Variants in WDR97 observed in about 807,000 individuals in gnomAD.
WDR97 encodes WD repeat domain 97.
Under a neutral mutation model 65.4 loss-of-function variants are expected in WDR97, and 111 were observed. That is an observed-to-expected ratio of 1.70 (90% CI 1.45 to 1.99). The LOEUF is 1.99. Among genes scored for constraint, WDR97 ranks in the 30% most tolerant of loss-of-function variants. The pLI, the probability that WDR97 is intolerant of heterozygous loss-of-function variation, is 0.00. For missense variants in WDR97, 1,674 were observed against 865.0 expected, an observed-to-expected ratio of 1.94 and a Z score of -11.73; for synonymous variants, 802 against 397.7, an observed-to-expected ratio of 2.02 and a Z score of -12.10.
rs758950256 is a variant in WDR97 at position 144,114,430 on chromosome 8, C to G, written c.3747C>G (p.Gly1249=). Residue 1249 remains glycine, a synonymous_variant, in exon 19 of 24, where the codon GGC becomes GGG. Coordinates refer to ENST00000323662, the MANE Select transcript of WDR97 (RefSeq NM_001316309.2). ...GTGATCTCCAAGGCCAGCTGCAGGG[C>G]CTGCTCGTACACTTGCTCAACCTGG... ...MSSDLQGQLQ[G]LLVHLLNLDQ... is the part of the protein sequence containing the mutation. 12 of 702,714 alleles carry G rather than the reference C, an allele frequency of 1.7e-5. No individual in the cohort carries two copies. The highest frequency in any genetic ancestry group is 2.7e-5 in the East Asian group (1 of 37,292). The allele number at this position is 702,714 out of a possible 1,614,324, so 43.5% of individuals were successfully genotyped here. A position where few individuals can be genotyped will look rare whatever the true frequency, so the allele number is the denominator to read the frequency against.
Position 144,111,134 on chromosome 8 carries a change from G to A in WDR97, c.2338G>A (p.Asp780Asn), listed in dbSNP as rs1433144441. ...MCRKAPDVVD[D>N]PPLPLMSQES... ...CCGGAAGGCCCCAGACGTGGTGGAC[G>A]ACCCTCCGCTGCCACTGATGAGCCA... The change falls in exon 10 of 24, where the codon GAC becomes AAC. Residue 780 changes from aspartate (D) to asparagine (N), a missense_variant. Asp to Asn is a conservative substitution (Grantham distance 23). Coordinates refer to ENST00000323662, the MANE Select transcript of WDR97 (RefSeq NM_001316309.2). 2.0e-5 allele frequency: 14 copies of A among 702,624 alleles called. No individual in the cohort carries two copies. Among genetic ancestry groups the A allele is most frequent in the Non-Finnish European group, 3.6e-5 (14 of 385,000 alleles). 43.5% of individuals were successfully genotyped at this position (702,624 alleles called of 1,614,324 possible). A position where few individuals can be genotyped will look rare whatever the true frequency, so the allele number is the denominator to read the frequency against.
rs763829858 is a variant in WDR97, at chr8:144,109,355, G to C, written c.1021G>C (p.Val341Leu). 6.8e-5 allele frequency: 48 copies of C among 702,510 alleles called. 1 individual carries two copies. In the South Asian group the frequency reaches 7.1e-4, roughly 10 times the overall value. 43.5% of individuals were successfully genotyped at this position (702,510 alleles called of 1,614,324 possible). The change falls in exon 5 of 24, where the codon GTG becomes CTG. Residue 341 changes from valine (V) to leucine (L), a missense_variant. Coordinates refer to ENST00000323662, the MANE Select transcript of WDR97 (RefSeq NM_001316309.2). ...CACAGGCCCGGTGACGGCTATGACT[G>C]TGCTCCCGAACACGACCCTGGTGTT... ...GHTGPVTAMT[V>L]LPNTTLVLSA...
At position 144,117,171 on chromosome 8, in the gene WDR97, C is replaced by T. The variant is rs1195765712; in HGVS notation, c.*878C>T. On this transcript the variant is annotated 3_prime_UTR_variant, in exon 24 of 24. Coordinates refer to ENST00000323662, the MANE Select transcript of WDR97 (RefSeq NM_001316309.2). ...ATGGCTGCTCTTTCCCAGGCCGGTG[C>T]TTGACACAGTGGTGCCACCATCCCA... The T allele has an allele frequency of 6.6e-6, 1 of 152,308 alleles. No homozygotes were observed. Among genetic ancestry groups the T allele is most frequent in the African/African-American group, 2.4e-5 (1 of 41,458 alleles). The allele number at this position is 152,308 out of a possible 1,614,324, so 9.4% of individuals were successfully genotyped here. A position where few individuals can be genotyped will look rare whatever the true frequency, so the allele number is the denominator to read the frequency against.
Position 144,112,240 on chromosome 8 carries a change from C to T in WDR97, c.2912C>T (p.Ser971Leu), listed in dbSNP as rs1340311493. 9 of 702,612 alleles carry T rather than the reference C, an allele frequency of 1.3e-5. No homozygotes were observed. The highest frequency in any genetic ancestry group is 2.3e-4 in the Middle Eastern group (1 of 4,390). 43.5% of individuals were successfully genotyped at this position (702,612 alleles called of 1,614,324 possible). A position where few individuals can be genotyped will look rare whatever the true frequency, so the allele number is the denominator to read the frequency against. The change falls in exon 14 of 24, where the codon TCA (serine) becomes TTA (leucine). Residue 971 changes from serine to leucine, a missense_variant. Transcript: ENST00000323662. ...SKASQLLARSSLSHYLGISLD... is the reference protein window; with the variant it reads ...SKASQLLARSLLSHYLGISLD... ...ATGCCCCAGCTTCTGGCCCGCTCCT[C>T]ACTGAGCCACTACCTGGGCATCAGT...
At chr8:144,112,803 G>A (rs555424633) in intron 15 of WDR97, 54 of 541,704 alleles carry the variant, frequency 1.0e-4, no homozygotes, top group Non-Finnish European at 1.5e-4. Context: ...CCCCCCAGCC[G>A]GTTATGCCAC....
rs1467086161 is a variant in WDR97, at chr8:144,109,507, G to T, written c.1173G>T (p.Pro391=). ...LSRRVGRLLA[P]VRPGWPVLSL... Reference sequence around the variant, plus strand: ...GGCGCGTGGGCCGTCTGCTGGCGCCGGTGCGCCCGGGCTGGCCGGTGCTGT... The same window carrying T: ...GGCGCGTGGGCCGTCTGCTGGCGCCTGTGCGCCCGGGCTGGCCGGTGCTGT... The change falls in exon 5 of 24, where the codon CCG becomes CCT. Residue 391 remains proline, a synonymous_variant. Transcript: ENST00000323662. 3 of 696,352 alleles carry T rather than the reference G, an allele frequency of 4.3e-6. No homozygotes were observed. The South Asian group carries it at 4.5e-5, about 10-fold the overall frequency. The allele number at this position is 696,352 out of a possible 1,614,324, so 43.1% of individuals were successfully genotyped here.
Position 144,116,413 on chromosome 8 carries a change from GC to G in WDR97, c.*124del, listed in dbSNP as rs1310432460. ...TGCAGGATGCCGCCTGCTTTGGAGGGCCCCGGGGTGCGCACGGCGTGTGGGC... is the reference window on the plus strand; with the variant it reads ...TGCAGGATGCCGCCTGCTTTGGAGGGCCCGGGGTGCGCACGGCGTGTGGGC... On this transcript the variant is annotated 3_prime_UTR_variant, in exon 24 of 24. Coordinates refer to ENST00000323662, the MANE Select transcript of WDR97 (RefSeq NM_001316309.2). The G allele has an allele frequency of 1.1e-5, 6 of 556,890 alleles. No individual in the cohort carries two copies. The highest frequency in any genetic ancestry group is 7.9e-5 in the African/African-American group (4 of 50,730). 34.5% of individuals were successfully genotyped at this position (556,890 alleles called of 1,614,324 possible). A position where few individuals can be genotyped will look rare whatever the true frequency, so the allele number is the denominator to read the frequency against.
chr8:144,111,508 C>T (rs1836547843), intron 11 of WDR97, 22 bp downstream of exon 11: 1 of 701,074 alleles, frequency 1.4e-6, no homozygotes, highest in Non-Finnish European at 2.6e-6. Flanking sequence ...CCTCCTTAGC[C>T]CGCCCTGCCC....
rs1836453544 is a variant in WDR97 at position 144,108,075 on chromosome 8, G to A, written c.129G>A (p.Glu43=). ...TGCCCGCAGAGTTGACTTTCACGGA[G>A]CCGTCGCAGGTCCTGCCCTTTTTGA... is the stretch of plus-strand genomic sequence containing the variant. ...LTEKNELTFT[E]PSQVLPFLTS... Residue 43 remains glutamate, a synonymous_variant, in exon 2 of 24, where the codon GAG becomes GAA. Coordinates refer to ENST00000323662, the MANE Select transcript of WDR97 (RefSeq NM_001316309.2). 7.1e-6 allele frequency: 5 copies of A among 702,768 alleles called. No homozygotes were observed. The highest frequency in any genetic ancestry group is 1.3e-5 in the Non-Finnish European group (5 of 385,004). 43.5% of individuals were successfully genotyped at this position (702,768 alleles called of 1,614,324 possible). A position where few individuals can be genotyped will look rare whatever the true frequency, so the allele number is the denominator to read the frequency against.
rs146155229 is a variant in WDR97, at chr8:144,114,377, C to T, written c.3694C>T (p.Leu1232=). 1.4e-6 allele frequency: 1 copy of T among 702,818 alleles called. No homozygotes were observed. Among genetic ancestry groups the T allele is most frequent in the East Asian group, 2.7e-5 (1 of 37,284 alleles). The allele number at this position is 702,818 out of a possible 1,614,324, so 43.5% of individuals were successfully genotyped here. Residue 1232 remains leucine (L), a synonymous_variant, in exon 19 of 24, where the codon CTA becomes TTA. Coordinates refer to ENST00000323662, the MANE Select transcript of WDR97 (RefSeq NM_001316309.2). ...CGACCGTGTGCACATCCTGCAGGTG[C>T]TACTGAGACTGCTGCCCAACATGAG... The part of the protein sequence containing the change: ...WVDRVHILQV[L]LRLLPNMSSD...
At chr8:144,111,834 C>T in intron 12 of WDR97, 53 bp downstream of exon 12, 1 of 697,148 alleles carries the variant, frequency 1.4e-6, no homozygotes, top group East Asian at 2.7e-5. Flanking sequence ...CTCTTCTCCA[C>T]CCACCCCTCC....
Position 144,115,573 on chromosome 8 carries a change from T to G in WDR97, c.4310T>G (p.Val1437Gly), listed in dbSNP as rs937127239. ...SWGTPQLRLRVLSETLKSFCL... is the reference protein window; with the variant it reads ...SWGTPQLRLRGLSETLKSFCL... ...GGGACCCCTCAGCTCCGTCTCAGAG[T>G]GCTCTCCGAGACGCTGAAGAGCTTC... Residue 1437 changes from valine (V) to glycine (G), a missense_variant, in exon 22 of 24, where the codon GTG becomes GGG. By Grantham distance (109) the Val-to-Gly change is moderately radical (BLOSUM62 -3). Transcript: ENST00000323662. The G allele has an allele frequency of 1.4e-5, 10 of 693,930 alleles. No individual in the cohort carries two copies. Among genetic ancestry groups the G allele is most frequent in the Non-Finnish European group, 2.4e-5 (9 of 379,836 alleles). 43.0% of individuals were successfully genotyped at this position (693,930 alleles called of 1,614,324 possible).
rs146924954 is a variant in WDR97, at chr8:144,109,338, C to T, written c.1004C>T (p.Pro335Leu). The T allele has an allele frequency of 3.5e-4, 249 of 702,314 alleles. 1 individual carries two copies. The East Asian group carries it at 6.5e-3, about 18-fold the overall frequency. 43.5% of individuals were successfully genotyped at this position (702,314 alleles called of 1,614,324 possible). The change falls in exon 5 of 24, where the codon CCG (proline) becomes CTG (leucine). Residue 335 changes from proline (P) to leucine (L), a missense_variant. Physicochemically the swap from Pro to Leu is moderately conservative, Grantham distance 98 (BLOSUM62 -3). Coordinates refer to ENST00000323662, the MANE Select transcript of WDR97 (RefSeq NM_001316309.2). Reference protein sequence around the residue: ...IRMVFVGHTGPVTAMTVLPNT... With the variant: ...IRMVFVGHTGLVTAMTVLPNT... ...GTGACCTGCACCCCTCCCACAGGCC[C>T]GGTGACGGCTATGACTGTGCTCCCG...
At position 144,108,209 on chromosome 8, in the gene WDR97, G is replaced by C. The variant is rs888341041; in HGVS notation, c.249+14G>C. ...GTCGTGGAAAAGGTGCGGTGTGCCT[G>C]TCCTGCGCCTCCTGGCCTCTTTCCG... On this transcript the variant is annotated intron_variant, in intron 2 of 23. Transcript: ENST00000323662. 2 of 698,662 alleles carry C rather than the reference G, an allele frequency of 2.9e-6. No individual in the cohort carries two copies. The highest frequency in any genetic ancestry group is 5.2e-6 in the Non-Finnish European group (2 of 382,200). 43.3% of individuals were successfully genotyped at this position (698,662 alleles called of 1,614,324 possible). A position where few individuals can be genotyped will look rare whatever the true frequency, so the allele number is the denominator to read the frequency against.
chr8:144,111,046 G>A lies in WDR97; in HGVS notation c.2304+50G>A, dbSNP rs564416853. 1.1e-4 allele frequency: 78 copies of A among 702,556 alleles called. 1 individual carries two copies. Among genetic ancestry groups the A allele is most frequent in the South Asian group, 1.1e-3 (74 of 67,592 alleles). 43.5% of individuals were successfully genotyped at this position (702,556 alleles called of 1,614,324 possible). A position where few individuals can be genotyped will look rare whatever the true frequency, so the allele number is the denominator to read the frequency against. ...AAGGTGGGCCCCCCTTGCTCACCTT[G>A]GGGGGCAGACCCAGGTTCCCCCAGC... is the stretch of plus-strand genomic sequence containing the variant. On this transcript the variant is annotated intron_variant, in intron 9 of 23. Coordinates refer to ENST00000323662, the MANE Select transcript of WDR97 (RefSeq NM_001316309.2).
Position 144,115,919 on chromosome 8 carries a change from CTGAA to C in WDR97, c.4596-23_4596-20del. On this transcript the variant is annotated intron_variant, in intron 22 of 23. Coordinates refer to ENST00000323662, the MANE Select transcript of WDR97 (RefSeq NM_001316309.2). Reference sequence around the variant, plus strand: ...GCAGCCAAGCGTGGGGCTGGGCCAGCTGAACCCTCCTCTTTGCCTCCAGGTACCA... The same window carrying C: ...GCAGCCAAGCGTGGGGCTGGGCCAGCCCCTCCTCTTTGCCTCCAGGTACCA... The C allele has an allele frequency of 1.4e-6, 1 of 701,046 alleles. No individual in the cohort carries two copies. Among genetic ancestry groups the C allele is most frequent in the Admixed American group, 2.0e-5 (1 of 49,990 alleles). 43.4% of individuals were successfully genotyped at this position (701,046 alleles called of 1,614,324 possible). A position where few individuals can be genotyped will look rare whatever the true frequency, so the allele number is the denominator to read the frequency against.
In WDR97 at chr8:144,112,341, C is replaced by G; in HGVS notation, c.3013C>G (p.Gln1005Glu). The G allele has an allele frequency of 1.4e-6, 1 of 702,690 alleles. No individual in the cohort carries two copies. The highest frequency in any genetic ancestry group is 2.6e-6 in the Non-Finnish European group (1 of 384,916). The allele number at this position is 702,690 out of a possible 1,614,324, so 43.5% of individuals were successfully genotyped here. The change falls in exon 14 of 24, where the codon CAG (glutamine) becomes GAG (glutamate). Residue 1005 changes from glutamine (Q) to glutamate (E), a missense_variant. Gln to Glu is a conservative substitution (Grantham distance 29). Transcript: ENST00000323662. ...CCTGGACCTGCCATCCTCCCACTTGCAGTGCAGGGTGAGGGACCCAGGCAG... is the reference window on the plus strand; with the variant it reads ...CCTGGACCTGCCATCCTCCCACTTGGAGTGCAGGGTGAGGGACCCAGGCAG... The part of the protein sequence containing the change: ...MALDLPSSHL[Q>E]CRIPLLPKRW...
Position 144,107,997 on chromosome 8 carries a change from A to G in WDR97, c.113-62A>G, listed in dbSNP as rs1368842681. ...CAGGGCCCCTGGAGGAGGGCTCCCC[A>G]TAACCGTCAGGGTCGAGGACCTGAG... On this transcript the variant is annotated intron_variant, in intron 1 of 23. Transcript: ENST00000323662. 1.6e-5 allele frequency: 11 copies of G among 702,122 alleles called. No homozygotes were observed. In the Admixed American group the frequency reaches 2.2e-4, roughly 14 times the overall value. 43.5% of individuals were successfully genotyped at this position (702,122 alleles called of 1,614,324 possible).
intron 16 of WDR97, 68 bp downstream of exon 16, chr8:144,113,585 G>C (rs1836590176): frequency 3.0e-6 from 2 of 672,226 alleles, no homozygotes; most frequent in Non-Finnish European, 5.5e-6. Context: ...GGCAGGGCTG[G>C]GGGTTTTGCC....
Sources: allele counts gnomAD v4.1 joint callset, GRCh38; gene constraint gnomAD v4.1.1; transcripts MANE v1.5; gene names NCBI Gene and HGNC (gene_info 2026-07-23, HGNC 2026-07-21).